The following HM13 variants were observed in gnomAD, a reference collection of about 807,000 sequenced individuals.
The protein encoded by HM13 is histocompatibility minor 13.
Under a neutral mutation model 50.0 loss-of-function variants are expected in HM13, and 18 were observed. The ratio of observed to expected loss-of-function variants is 0.36; its 90% CI spans 0.25 to 0.53. The LOEUF (loss-of-function observed/expected upper bound fraction) is 0.53, where lower values mean the gene tolerates loss of function less well. HM13 is among the 20% of genes least tolerant of loss of function. The pLI is 0.90. For missense variants in HM13, 393 were observed against 552.4 expected (o/e 0.71, Z 2.89); for synonymous variants, 197 against 232.6 (o/e 0.85, Z 1.39).
chr20:31,534,046 A>G (rs1982972093), intron 2 of HM13, among the ~76,000 whole-genome samples: 1 of 150,342 alleles, frequency 6.7e-6, no homozygotes, highest in African/African-American at 2.5e-5. Context: ...CGCCCGCCTA[A>G]TTTTTTTTTA....
chr20:31,530,475 A>C lies in HM13; in HGVS notation c.282+2893A>C, dbSNP rs73233627. On this transcript the variant is annotated intron_variant, in intron 2 of 12. Transcript: ENST00000398174. ...CCAGGCTGGAGTGCAGTGGCGTGCG[A>C]TCTCAGCTCAATGCAACCTCCGCCT... 9.4e-3 allele frequency among the ~76,000 whole-genome samples: 1,409 copies of C among 149,784 alleles called. 19 individuals carry two copies. The highest frequency in any genetic ancestry group is 0.033 in the African/African-American group (1,337 of 40,662).
At chr20:31,557,057 A>G (rs896703463) in intron 8 of HM13, among the ~76,000 whole-genome samples, 3 of 151,232 alleles carry the variant, frequency 2.0e-5, no homozygotes, top group African/African-American at 7.3e-5. Context: ...GGTACTTTTT[A>G]TATGTCATCT....
intron 3 of HM13, among the ~76,000 whole-genome samples, chr20:31,544,599 T>C (rs901581342): frequency 6.6e-6 from 1 of 152,252 alleles, no homozygotes; most frequent in African/African-American, 2.4e-5. Context: ...ATAGGTGGCA[T>C]GTGGGCCAGA....
chr20:31,556,313 A>C (rs1442820008), intron 8 of HM13, among the ~76,000 whole-genome samples: 1 of 152,142 alleles, frequency 6.6e-6, no homozygotes, highest in Non-Finnish European at 1.5e-5. Context: ...TGCTGAGATT[A>C]CAGGCATGAG....
rs146449392 is a variant in HM13, at chr20:31,567,478, C to T, written c.1035-600C>T. 3.2e-3 allele frequency among the ~76,000 whole-genome samples: 491 copies of T among 152,210 alleles called. 2 individuals carry two copies. Among genetic ancestry groups the T allele is most frequent in the African/African-American group, 0.011 (467 of 41,550 alleles). On this transcript the variant is annotated intron_variant, in intron 11 of 12. Transcript: ENST00000398174. Reference sequence around the variant, plus strand: ...GTTTGCCCTCCACTCCCACCCTGGACATTCTTAGATTGGGGTAAAAAGCAA... The same window carrying T: ...GTTTGCCCTCCACTCCCACCCTGGATATTCTTAGATTGGGGTAAAAAGCAA...
chr20:31,527,356 A>G (rs1394281810), intron 1 of HM13, 128 bp from the exon 2 acceptor site: 1 of 639,298 alleles, frequency 1.6e-6, no homozygotes, highest in East Asian at 2.9e-5. Flanking sequence ...AAAAATGGCA[A>G]GATCAGAGCA....
intron 2 of HM13, 92 bp downstream of exon 2, chr20:31,527,674 A>G: frequency 1.1e-6 from 1 of 879,782 alleles, no homozygotes; most frequent in South Asian, 1.6e-5. Context: ...ATGCATGTTC[A>G]TTTATAGAAA....
intron 4 of HM13, among the ~76,000 whole-genome samples, chr20:31,546,860 C>T (rs1983753391): frequency 6.6e-6 from 1 of 151,488 alleles, no homozygotes; most frequent in African/African-American, 2.4e-5. Context: ...CCCTGGAGTT[C>T]GAGGCTGCAG....
intron 8 of HM13, among the ~76,000 whole-genome samples, chr20:31,556,008 A>G (rs1245804148): frequency 6.7e-6 from 1 of 149,956 alleles, no homozygotes; most frequent in Non-Finnish European, 1.5e-5. Context: ...TTGTGAGACC[A>G]TATATATATA....
chr20:31,514,601 G>A lies in HM13; in HGVS notation c.50G>A (p.Gly17Asp). The change falls in exon 1 of 13, where the codon GGC (glycine) becomes GAC (aspartate). Residue 17 changes from glycine to aspartate, a missense_variant. Coordinates refer to ENST00000398174, the MANE Select transcript of HM13 (RefSeq NM_178581.3). This position sits in a 1 kb window ranked among gnomAD's most constrained non-coding sequence, Gnocchi z 4.3. ...CATAACGGCAGTGCCGAGGCAGGCG[G>A]CCCCACCAACAGCACTACGCGGCCG... ...DPHNGSAEAGGPTNSTTRPPS... is the reference protein window; with the variant it reads ...DPHNGSAEAGDPTNSTTRPPS... 6.2e-7 allele frequency: 1 copy of A among 1,601,572 alleles called. No homozygotes were observed. Among genetic ancestry groups the A allele is most frequent in the Non-Finnish European group, 8.5e-7 (1 of 1,175,828 alleles).
chr20:31,551,842 A>G (rs1051453403), intron 7 of HM13, among the ~76,000 whole-genome samples: 1 of 152,316 alleles, frequency 6.6e-6, no homozygotes, highest in African/African-American at 2.4e-5. Flanking sequence ...GGAGAGCTTC[A>G]TGGCCACAAA....
Position 31,534,484 on chromosome 20 carries a change from TAGA to T in HM13, c.283-3685_283-3683del, listed in dbSNP as rs555250137. 1.5e-4 allele frequency among the ~76,000 whole-genome samples: 23 copies of T among 152,204 alleles called. No homozygotes were observed. The South Asian group carries it at 3.5e-3, about 23-fold the overall frequency. Reference sequence around the variant, plus strand: ...CATGTGTTTGAATGGTATTAGGTCATAGAAGAAGAAGACCAGAGGCTGGGCACC... The same window carrying T: ...CATGTGTTTGAATGGTATTAGGTCATAGAAGAAGACCAGAGGCTGGGCACC... On this transcript the variant is annotated intron_variant, in intron 2 of 12. Transcript: ENST00000398174.
intron 10 of HM13, among the ~76,000 whole-genome samples, chr20:31,564,851 C>CAAAAA (rs11476071): frequency 8.6e-5 from 10 of 116,676 alleles, no homozygotes; most frequent in East Asian, 2.8e-4. Context: ...CTCAAAATCA[C>CAAAAA]AAAAAAAAAA....
chr20:31,531,459 T>C (rs1313675586), intron 2 of HM13, among the ~76,000 whole-genome samples: 1 of 151,732 alleles, frequency 6.6e-6, no homozygotes, highest in Non-Finnish European at 1.5e-5. Flanking sequence ...TGCAGTCACA[T>C]AATCGTAGCT....
intron 1 of HM13, among the ~76,000 whole-genome samples, chr20:31,521,854 CTTTTTTT>C (rs368753723): frequency 3.1e-4 from 37 of 120,620 alleles, no homozygotes; most frequent in African/African-American, 1.1e-3. Context: ...GTCTCCCATT[CTTTTTTT>C]TTTTTTTTTT....
In HM13 at chr20:31,551,631, C is replaced by T. The variant is rs556375971; in HGVS notation, c.724+1510C>T. 3.3e-5 allele frequency among the ~76,000 whole-genome samples: 5 copies of T among 152,272 alleles called. No homozygotes were observed. In the East Asian group the frequency reaches 9.7e-4, roughly 29 times the overall value. ...AAGGCTCAGAGAGGGGAACAGAATC[C>T]GTCAGGCATGCTAGCAAGGAAGAGA... On this transcript the variant is annotated intron_variant, in intron 7 of 12. Coordinates refer to ENST00000398174, the MANE Select transcript of HM13 (RefSeq NM_178581.3).
intron 2 of HM13, among the ~76,000 whole-genome samples, chr20:31,534,241 A>G (rs1982984637): frequency 6.6e-6 from 1 of 152,160 alleles, no homozygotes; most frequent in African/African-American, 2.4e-5. Context: ...AGAGAGGCTT[A>G]TGAAATTACA....
chr20:31,547,888 G>C, intron 4 of HM13: 1 of 1,036,370 alleles, frequency 9.6e-7, no homozygotes, highest in Non-Finnish European at 1.5e-6. Flanking sequence ...TGCTGCAGTA[G>C]ATACGATTGT....
At chr20:31,557,960 G>T (rs1337688936) in intron 8 of HM13, among the ~76,000 whole-genome samples, 2 of 151,882 alleles carry the variant, frequency 1.3e-5, no homozygotes, top group Non-Finnish European at 2.9e-5. Flanking sequence ...CGCCTGCCTC[G>T]GCCTCCCAAA....
Sources: allele counts gnomAD v4.1 joint callset (sites outside exome capture counted in the v4.1 genomes callset), GRCh38; gene constraint gnomAD v4.1.1; non-coding constraint Gnocchi (gnomAD v3.1); transcripts MANE v1.5; gene names NCBI Gene and HGNC (gene_info 2026-07-23, HGNC 2026-07-21).